TRERF1: variants seen among roughly 807,000 people sequenced by gnomAD.
TRERF1 encodes the protein transcriptional regulating factor 1, also known as transcriptional-regulating factor 1.
A neutral mutation model predicts 122.9 loss-of-function variants in TRERF1; 27 were observed. That is an observed-to-expected ratio of 0.22 (90% CI 0.16 to 0.30). The LOEUF is 0.30. TRERF1 is among the 10% of genes least tolerant of loss of function. TRERF1 has a pLI of 1.00. For synonymous variants in TRERF1, 636 were observed against 641.7 expected (o/e 0.99, Z 0.13); for missense variants, 1,248 against 1,560.3 (o/e 0.80, Z 3.37).
intron 15 of TRERF1, among the ~76,000 whole-genome samples, chr6:42,241,565 G>A (rs1005200469): frequency 1.3e-5 from 2 of 151,956 alleles, no homozygotes; most frequent in South Asian, 2.1e-4. Context: ...GGGTTCAAGC[G>A]ATCCTCCTGC....
intron 14 of TRERF1, 121 bp downstream of exon 14, chr6:42,246,335 C>T (rs1254105590): frequency 8.9e-6 from 7 of 783,406 alleles, no homozygotes; most frequent in Admixed American, 4.8e-5. Flanking sequence ...TCCTCACCAG[C>T]GAGTGTGGAA....
At chr6:42,423,845 TA>T (rs1783208314) in intron 2 of TRERF1, among the ~76,000 whole-genome samples, 1 of 152,182 alleles carries the variant, frequency 6.6e-6, no homozygotes, top group African/African-American at 2.4e-5. Context: ...CAAACACATT[TA>T]AGGGAGTGGT....
chr6:42,405,872 C>G (rs572949145), intron 2 of TRERF1, among the ~76,000 whole-genome samples: 1 of 150,622 alleles, frequency 6.6e-6, no homozygotes, highest in Non-Finnish European at 1.5e-5. Context: ...CAGAGAGAAG[C>G]AGGCAGGGGG....
At chr6:42,316,359 G>T (rs77522) in intron 3 of TRERF1, among the ~76,000 whole-genome samples, 2 of 151,946 alleles carry the variant, frequency 1.3e-5, no homozygotes, top group East Asian at 3.9e-4. Flanking sequence ...AACCCTTCCT[G>T]GTCACTATCC....
chr6:42,323,081 T>C (rs1354162026), intron 3 of TRERF1, among the ~76,000 whole-genome samples: 2 of 151,618 alleles, frequency 1.3e-5, no homozygotes, highest in Non-Finnish European at 2.9e-5. Context: ...AAAAAATGGA[T>C]TCAACAAAAC....
intron 2 of TRERF1, among the ~76,000 whole-genome samples, chr6:42,381,219 C>G (rs1449384311): frequency 6.6e-6 from 1 of 151,930 alleles, no homozygotes; most frequent in Admixed American, 6.5e-5. Context: ...CTGTGCTGCC[C>G]CCATTGGACT....
At chr6:42,256,976 G>A (rs778988101) in exon 11 of TRERF1, 5 of 1,614,094 alleles carry the variant, frequency 3.1e-6, no homozygotes, top group South Asian at 2.2e-5. Context: ...TTTGCTGGAG[G>A]TCATGGTTTT....
At chr6:42,431,390 G>A (rs957746910) in intron 2 of TRERF1, among the ~76,000 whole-genome samples, 1 of 152,070 alleles carries the variant, frequency 6.6e-6, no homozygotes, top group Admixed American at 6.5e-5. Context: ...AGTACAGAAG[G>A]CTCCAAACAG....
chr6:42,326,356 C>T (rs1345161569), intron 3 of TRERF1, among the ~76,000 whole-genome samples: 2 of 152,146 alleles, frequency 1.3e-5, no homozygotes, highest in South Asian at 2.1e-4. Flanking sequence ...GTCTGACGCC[C>T]GTCTCTCTTG....
intron 2 of TRERF1, among the ~76,000 whole-genome samples, chr6:42,400,560 C>G (rs1190974050): frequency 6.6e-6 from 1 of 152,188 alleles, no homozygotes; most frequent in Non-Finnish European, 1.5e-5. Context: ...CCACCACCAC[C>G]AGGGCCCATG....
At chr6:42,404,294 C>A (rs1490932266) in intron 2 of TRERF1, among the ~76,000 whole-genome samples, 1 of 152,098 alleles carries the variant, frequency 6.6e-6, no homozygotes, top group African/African-American at 2.4e-5. Context: ...ACCAAGCATC[C>A]AGTAACATGC....
At chr6:42,416,274 A>G (rs761508915) in intron 2 of TRERF1, among the ~76,000 whole-genome samples, 3 of 152,172 alleles carry the variant, frequency 2.0e-5, no homozygotes, top group Non-Finnish European at 4.4e-5. Flanking sequence ...TTATATAATT[A>G]TGGTGTTTAA....
Position 42,268,731 on chromosome 6 carries a change from T to C in TRERF1, c.860A>G (p.Glu287Gly). ...AATTTGTTGCGGCTGCGTCTGTATT[T>C]CTTGCATGGAGATACGCTGTTGCCC... The change falls in exon 5 of 18, where the codon GAA (glutamate) becomes GGA (glycine). Residue 287 changes from glutamate to glycine, a missense_variant. Physicochemically the swap from Glu to Gly is moderately conservative, Grantham distance 98. Coordinates refer to ENST00000372922, the Ensembl canonical transcript of TRERF1. The surrounding 1 kb of genome is among the most constrained non-coding windows in gnomAD (Gnocchi z 4.4). 4 of 1,614,178 alleles carry C rather than the reference T, an allele frequency of 2.5e-6. No individual in the cohort carries two copies. Among genetic ancestry groups the C allele is most frequent in the Non-Finnish European group, 3.4e-6 (4 of 1,180,024 alleles).
exon 7 of TRERF1, chr6:42,264,848 T>C (rs746658489): frequency 3.7e-6 from 6 of 1,613,940 alleles, no homozygotes; most frequent in Non-Finnish European, 5.1e-6. Flanking sequence ...CTCCTTTGGG[T>C]TGGCCACTGC....
intron 2 of TRERF1, among the ~76,000 whole-genome samples, chr6:42,405,294 A>G (rs960132261): frequency 6.6e-6 from 1 of 152,222 alleles, no homozygotes; most frequent in Non-Finnish European, 1.5e-5. Context: ...GCGAGGCCCC[A>G]GCACACAAGG....
At chr6:42,394,353 G>A (rs1455825655) in intron 2 of TRERF1, among the ~76,000 whole-genome samples, 1 of 152,154 alleles carries the variant, frequency 6.6e-6, no homozygotes, top group African/African-American at 2.4e-5. Context: ...CACCTTGGTG[G>A]GGGACAAGGC....
intron 2 of TRERF1, among the ~76,000 whole-genome samples, chr6:42,404,028 C>T (rs568916339): frequency 7.9e-5 from 12 of 152,242 alleles, no homozygotes; most frequent in African/African-American, 2.4e-4. Context: ...GCCTCTCCGG[C>T]CACTCACCAC....
chr6:42,259,694 C>T lies in TRERF1; in HGVS notation c.1914G>A (p.Val638=). The change falls in exon 9 of 18, where the codon GTG becomes GTA. Residue 638 remains valine (V), a synonymous_variant. Transcript: ENST00000372922. The surrounding 1 kb of genome is among the most constrained non-coding windows in gnomAD (Gnocchi z 4.9). ...TCTTGAGGGGCTCCTCGGCTTTGGG[C>T]ACACTCGGCTGATGCTTCCTGGGGA... 1 of 1,605,142 alleles carries T rather than the reference C, an allele frequency of 6.2e-7. No individual in the cohort carries two copies. The highest frequency in any genetic ancestry group is 8.5e-7 in the Non-Finnish European group (1 of 1,179,962).
chr6:42,291,978 C>T (rs1489351996), intron 4 of TRERF1, among the ~76,000 whole-genome samples: 4 of 152,172 alleles, frequency 2.6e-5, no homozygotes, highest in African/African-American at 7.2e-5. Context: ...CAAATCTCAA[C>T]GTTCCACTGG....
Sources: gnomAD v4.1 joint callset for allele counts (sites outside exome capture counted in the v4.1 genomes callset) on GRCh38, gnomAD v4.1.1 for gene constraint, Gnocchi (gnomAD v3.1) non-coding constraint, MANE v1.5 for transcripts, NCBI Gene and HGNC (gene_info 2026-07-23, HGNC 2026-07-21) for gene names.